Variants in MOB1B observed in about 807,000 individuals in gnomAD.
MOB1B encodes MOB kinase activator 1B.
In MOB1B, 19 loss-of-function variants were observed where a neutral mutation model predicts 24.4. The ratio of observed to expected loss-of-function variants is 0.78; its 90% CI spans 0.54 to 1.14. MOB1B has a LOEUF of 1.14. MOB1B is among the 50% of genes most tolerant of loss of function. The pLI is 0.00. For synonymous variants in MOB1B, 76 were observed against 82.1 expected (o/e 0.93, Z 0.40); for missense variants, 243 against 259.6 (o/e 0.94, Z 0.44).
intron 1 of MOB1B, among the ~76,000 whole-genome samples, chr4:70,953,975 A>G (rs781608651): frequency 1.3e-5 from 2 of 152,030 alleles, no homozygotes; most frequent in Non-Finnish European, 2.9e-5. Context: ...AAGTTGCAAA[A>G]TGGGGAGTAG....
chr4:70,973,015 C>T (rs189129833), intron 3 of MOB1B, among the ~76,000 whole-genome samples: 140 of 151,830 alleles, frequency 9.2e-4, no homozygotes, highest in East Asian at 1.8e-3. Flanking sequence ...CCTCATGATC[C>T]GCCCGCCTCG....
intron 1 of MOB1B, among the ~76,000 whole-genome samples, chr4:70,941,568 C>T (rs568968073): frequency 6.6e-6 from 1 of 152,080 alleles, no homozygotes; most frequent in South Asian, 2.1e-4. Context: ...GTCTCGATCT[C>T]CTGACCTTGT....
rs1739428488 is a variant in MOB1B, at chr4:70,987,849, TC to T, written c.*5793del. ...GAACTACTCTCATGGAGACAGTTTC[TC>T]TCTTATAATCAAGTAACTAGAAGGG... On this transcript the variant is annotated 3_prime_UTR_variant, in exon 6 of 6. Coordinates refer to ENST00000309395, the MANE Select transcript of MOB1B (RefSeq NM_173468.4). 1 of 152,546 alleles carries T rather than the reference TC, an allele frequency of 6.6e-6. No individual in the cohort carries two copies. The highest frequency in any genetic ancestry group is 6.5e-5 in the Admixed American group (1 of 15,270). 9.4% of individuals were successfully genotyped at this position (152,546 alleles called of 1,614,324 possible).
At position 70,958,921 on chromosome 4, in the gene MOB1B, A is replaced by C. The variant is rs753337742; in HGVS notation, c.62A>C (p.Glu21Ala). 6.2e-7 allele frequency: 1 copy of C among 1,614,022 alleles called. No homozygotes were observed. Among genetic ancestry groups the C allele is most frequent in the Non-Finnish European group, 8.5e-7 (1 of 1,179,992 alleles). Residue 21 changes from glutamate to alanine, a missense_variant, in exon 2 of 6, where the codon GAG (glutamate) becomes GCG (alanine). Coordinates refer to ENST00000309395, the MANE Select transcript of MOB1B (RefSeq NM_173468.4). The part of the protein sequence containing the change: ...KTFKPKKNIP[E>A]GSHQYELLKH... ...TTTAAACCAAAGAAGAACATTCCAGAGGGTTCTCACCAGTATGAGCTCTTA... is the reference window on the plus strand; with the variant it reads ...TTTAAACCAAAGAAGAACATTCCAGCGGGTTCTCACCAGTATGAGCTCTTA...
At chr4:70,965,434 T>C (rs2148897229) in intron 2 of MOB1B, among the ~76,000 whole-genome samples, 1 of 150,102 alleles carries the variant, frequency 6.7e-6, no homozygotes, top group South Asian at 2.1e-4. Flanking sequence ...TTTAATAATA[T>C]TAGAAAGCAC....
intron 1 of MOB1B, among the ~76,000 whole-genome samples, chr4:70,952,512 G>A (rs28668057): frequency 0.11 from 16,146 of 151,268 alleles, 1,904 homozygotes; most frequent in African/African-American, 0.29. Flanking sequence ...CCGTGGTGGC[G>A]GGTGCCTGTA....
intron 2 of MOB1B, among the ~76,000 whole-genome samples, chr4:70,966,698 T>A (rs1478460226): frequency 6.6e-6 from 1 of 152,034 alleles, no homozygotes; most frequent in South Asian, 2.1e-4. Flanking sequence ...ATAAAAAATT[T>A]AAAAAGTTAA....
chr4:70,976,751 T>G, intron 4 of MOB1B: 1 of 265,208 alleles, frequency 3.8e-6, no homozygotes, highest in Non-Finnish European at 5.4e-6. Context: ...AAGACTGAAT[T>G]ACATATATAT....
chr4:70,916,010 G>A, intron 1 of MOB1B, among the ~76,000 whole-genome samples: 1 of 152,074 alleles, frequency 6.6e-6, no homozygotes, highest in East Asian at 1.9e-4. Flanking sequence ...TTGTTACAGA[G>A]TTTGCAGGCG....
At position 70,919,775 on chromosome 4, in the gene MOB1B, A is replaced by G. The variant is rs371983643; in HGVS notation, c.14+17225A>G. Among the ~76,000 whole-genome samples the G allele has an allele frequency of 2.6e-5, 4 of 152,354 alleles. No homozygotes were observed. The East Asian group carries it at 7.7e-4, about 29-fold the overall frequency. On this transcript the variant is annotated intron_variant, in intron 1 of 5. Coordinates refer to ENST00000309395, the MANE Select transcript of MOB1B (RefSeq NM_173468.4). ...CGGCCTCCCACAGTGTTGGGATTAC[A>G]GGCGTGAGCCACCACACCCAGCTGT...
Position 70,982,092 on chromosome 4 carries a change from G to A in MOB1B, c.*35G>A, listed in dbSNP as rs776739954. 1.4e-6 allele frequency: 2 copies of A among 1,462,984 alleles called. No homozygotes were observed. Among genetic ancestry groups the A allele is most frequent in the Admixed American group, 1.7e-5 (1 of 59,286 alleles). 90.6% of individuals were successfully genotyped at this position (1,462,984 alleles called of 1,614,324 possible). A position where few individuals can be genotyped will look rare whatever the true frequency, so the allele number is the denominator to read the frequency against. ...GAGCTGTGCAAATTGTTCCTCAAAT[G>A]AAGCAGTGTGGAGTGTATTGGGGAT... On this transcript the variant is annotated 3_prime_UTR_variant, in exon 6 of 6. Transcript: ENST00000309395.
intron 1 of MOB1B, among the ~76,000 whole-genome samples, chr4:70,910,264 CT>C (rs1295788163): frequency 1.3e-5 from 2 of 152,044 alleles, no homozygotes; most frequent in African/African-American, 4.8e-5. Context: ...TGGTCTCGAA[CT>C]CCTGGCCTCA....
intron 1 of MOB1B, among the ~76,000 whole-genome samples, chr4:70,957,802 A>AG (rs1578387761): frequency 6.7e-6 from 1 of 149,366 alleles, no homozygotes; most frequent in Non-Finnish European, 1.5e-5. Context: ...ATGTTGCCCA[A>AG]GGGGGAGTGC....
At chr4:70,964,217 A>G (rs571498543) in intron 2 of MOB1B, among the ~76,000 whole-genome samples, 49 of 152,334 alleles carry the variant, frequency 3.2e-4, no homozygotes, top group South Asian at 8.3e-4. Context: ...TAGAAAGTGC[A>G]GAAGAAAAAA....
At chr4:70,946,555 G>A (rs1167741340) in intron 1 of MOB1B, among the ~76,000 whole-genome samples, 1 of 152,066 alleles carries the variant, frequency 6.6e-6, no homozygotes, top group African/African-American at 2.4e-5. Context: ...GTCAGAAAGG[G>A]TATTTTATTT....
chr4:70,902,298 C>T (rs1735538002), upstream of MOB1B: 2 of 595,048 alleles, frequency 3.4e-6, no homozygotes, highest in Non-Finnish European at 6.1e-6. Context: ...GCCTGCCCCG[C>T]CTCCCTTTCC....
chr4:70,927,423 C>G (rs796325515), intron 1 of MOB1B, among the ~76,000 whole-genome samples: 1 of 151,964 alleles, frequency 6.6e-6, no homozygotes, highest in African/African-American at 2.4e-5. Context: ...GCCTGTAATC[C>G]CAGCTACTTG....
At chr4:70,934,455 A>C (rs1016737958) in intron 1 of MOB1B, among the ~76,000 whole-genome samples, 1 of 141,190 alleles carries the variant, frequency 7.1e-6, no homozygotes. Context: ...CTGGAATATA[A>C]TTTTTTTTTT....
intron 2 of MOB1B, among the ~76,000 whole-genome samples, chr4:70,968,248 C>T (rs1053197489): frequency 8.5e-5 from 13 of 152,314 alleles, no homozygotes; most frequent in Non-Finnish European, 1.5e-4. Context: ...TTTAGAGGTA[C>T]AGTCTACTTT....
Sources: allele counts gnomAD v4.1 joint callset (sites outside exome capture counted in the v4.1 genomes callset), GRCh38; gene constraint gnomAD v4.1.1; transcripts MANE v1.5; gene names NCBI Gene and HGNC (gene_info 2026-07-23, HGNC 2026-07-21).